Variants in SIAH3 observed in about 807,000 individuals in gnomAD.
The protein encoded by SIAH3 is siah E3 ubiquitin protein ligase family member 3, also known as seven in absentia homolog 3.
In SIAH3, 9 loss-of-function variants were observed where a neutral mutation model predicts 12.6. The observed-to-expected ratio is 0.72, with a 90% CI of 0.43 to 1.25. The LOEUF (loss-of-function observed/expected upper bound fraction) is 1.25, where lower values mean the gene tolerates loss of function less well. SIAH3 is among the 50% of genes most tolerant of loss of function. The pLI, the probability that SIAH3 is intolerant of heterozygous loss-of-function variation, is 0.00. For missense variants in SIAH3, 390 were observed against 365.4 expected (o/e 1.07, Z -0.55); for synonymous variants, 154 against 151.1 (o/e 1.02, Z -0.14).
At chr13:45,827,879 C>T (rs1950684592) in intron 1 of SIAH3, among the ~76,000 whole-genome samples, 1 of 152,238 alleles carries the variant, frequency 6.6e-6, no homozygotes, top group Non-Finnish European at 1.5e-5. Context: ...TTGTTTGTAG[C>T]ATCTCCACTC....
chr13:45,779,826 TG>T lies in SIAH3; in HGVS notation c.*3556del, dbSNP rs2137543905. Reference sequence around the variant, plus strand: ...AAATGTCCAGAGTAGCCACAGCTAGTGATGGGGTTTACCAGGTACAGATTCA... The same window carrying T: ...AAATGTCCAGAGTAGCCACAGCTAGTATGGGGTTTACCAGGTACAGATTCA... On this transcript the variant is annotated 3_prime_UTR_variant, in exon 2 of 2. Transcript: ENST00000400405. 3 of 152,312 alleles carry T rather than the reference TG, an allele frequency of 2.0e-5. No homozygotes were observed. The highest frequency in any genetic ancestry group is 7.2e-5 in the African/African-American group (3 of 41,566). 9.4% of individuals were successfully genotyped at this position (152,312 alleles called of 1,614,324 possible).
chr13:45,850,037 G>C (rs1950773954), intron 1 of SIAH3, among the ~76,000 whole-genome samples: 1 of 152,172 alleles, frequency 6.6e-6, no homozygotes, highest in Admixed American at 6.5e-5. Context: ...ATAAAACTAA[G>C]CTATAAAAGA....
chr13:45,828,877 T>G (rs1950688463), intron 1 of SIAH3, among the ~76,000 whole-genome samples: 1 of 151,926 alleles, frequency 6.6e-6, no homozygotes, highest in African/African-American at 2.4e-5. Context: ...AATCAGTCAG[T>G]GAAAACAAGT....
At chr13:45,835,164 CA>C (rs1950713602) in intron 1 of SIAH3, among the ~76,000 whole-genome samples, 1 of 152,154 alleles carries the variant, frequency 6.6e-6, no homozygotes, top group Non-Finnish European at 1.5e-5. Flanking sequence ...AAACAAATCT[CA>C]AACCCATTTT....
chr13:45,787,046 C>T (rs1263015981), intron 1 of SIAH3, among the ~76,000 whole-genome samples: 1 of 152,114 alleles, frequency 6.6e-6, no homozygotes, highest in Non-Finnish European at 1.5e-5. Context: ...CTCTTCCTCT[C>T]TCCAATCTCT....
chr13:45,816,555 A>G (rs1253739478), intron 1 of SIAH3, among the ~76,000 whole-genome samples: 1 of 152,236 alleles, frequency 6.6e-6, no homozygotes, highest in African/African-American at 2.4e-5. Context: ...AAATGTCAAC[A>G]TAGCGCTCCC....
At chr13:45,798,941 A>G (rs1342084534) in intron 1 of SIAH3, among the ~76,000 whole-genome samples, 1 of 152,232 alleles carries the variant, frequency 6.6e-6, no homozygotes, top group Non-Finnish European at 1.5e-5. Context: ...TCTGTAAAAC[A>G]CAGAAATGAC....
Position 45,783,142 on chromosome 13 carries a change from A to G in SIAH3, c.*241T>C. The G allele has an allele frequency of 3.4e-6, 1 of 295,408 alleles. No homozygotes were observed. The highest frequency in any genetic ancestry group is 6.1e-6 in the Non-Finnish European group (1 of 163,626). 18.3% of individuals were successfully genotyped at this position (295,408 alleles called of 1,614,324 possible). On this transcript the variant is annotated 3_prime_UTR_variant, in exon 2 of 2. Transcript: ENST00000400405. The stretch of plus-strand genomic sequence containing the variant: ...TACAAACATTCTATAAAACAACACC[A>G]ACAAGGCAGGACAAACATCACACCA...
intron 1 of SIAH3, among the ~76,000 whole-genome samples, chr13:45,827,118 C>G (rs573291496): frequency 6.6e-6 from 1 of 152,294 alleles, no homozygotes; most frequent in South Asian, 2.1e-4. Context: ...CCCTTCTTGA[C>G]AGTTCTGATG....
chr13:45,825,925 T>A (rs1370692728), intron 1 of SIAH3, among the ~76,000 whole-genome samples: 2 of 152,008 alleles, frequency 1.3e-5, no homozygotes, highest in African/African-American at 4.8e-5. Flanking sequence ...AAAACCCAAG[T>A]CTCTCAGCAT....
At chr13:45,819,682 G>T (rs867614006) in intron 1 of SIAH3, among the ~76,000 whole-genome samples, 1 of 152,106 alleles carries the variant, frequency 6.6e-6, no homozygotes, top group South Asian at 2.1e-4. Flanking sequence ...CATGTCGGAG[G>T]GCTGGCTCTG....
rs781156427 is a variant in SIAH3, at chr13:45,783,934, G to T, written c.259C>A (p.Pro87Thr). Residue 87 changes from proline (P) to threonine (T), a missense_variant, in exon 2 of 2, where the codon CCC becomes ACC. Transcript: ENST00000400405. ...HHHHLRHHAH[P>T]HHLHHQEAGL... ...GCCTCCTGGTGGTGAAGGTGGTGGG[G>T]GTGGGCGTGGTGGCGGAGGTGGTGG... 22 of 1,608,240 alleles carry T rather than the reference G, an allele frequency of 1.4e-5. No individual in the cohort carries two copies. The highest frequency in any genetic ancestry group is 1.9e-5 in the Non-Finnish European group (22 of 1,177,624).
At chr13:45,825,342 C>A (rs564788380) in intron 1 of SIAH3, among the ~76,000 whole-genome samples, 2 of 152,248 alleles carry the variant, frequency 1.3e-5, no homozygotes, top group South Asian at 4.1e-4. Context: ...CAGAATGTAA[C>A]AAAATTAGAG....
intron 1 of SIAH3, among the ~76,000 whole-genome samples, chr13:45,797,927 G>A (rs765050778): frequency 6.6e-6 from 1 of 152,118 alleles, no homozygotes. Context: ...TCATGATGGC[G>A]GTGATAGGGC....
chr13:45,837,800 C>T (rs1042312582), intron 1 of SIAH3, among the ~76,000 whole-genome samples: 2 of 152,108 alleles, frequency 1.3e-5, no homozygotes, highest in African/African-American at 4.8e-5. Context: ...AAGTAACTTG[C>T]CAAGCATCTC....
intron 1 of SIAH3, among the ~76,000 whole-genome samples, chr13:45,798,951 C>T (rs1034483899): frequency 6.6e-6 from 1 of 152,192 alleles, no homozygotes; most frequent in African/African-American, 2.4e-5. Flanking sequence ...ACAGAAATGA[C>T]AAGTCCTCCA....
In SIAH3 at chr13:45,784,071, G is replaced by A; in HGVS notation, c.136-14C>T. The stretch of plus-strand genomic sequence containing the variant: ...ACTGGACACATACTGTAAGGAAAGA[G>A]AAGAACGTCAGTGCGGGGATGAGGC... On this transcript the variant is annotated splice_polypyrimidine_tract_variant and intron_variant, in intron 1 of 1. Transcript: ENST00000400405. 6.4e-7 allele frequency: 1 copy of A among 1,560,176 alleles called. No individual in the cohort carries two copies. The highest frequency in any genetic ancestry group is 8.7e-7 in the Non-Finnish European group (1 of 1,153,670).
intron 1 of SIAH3, among the ~76,000 whole-genome samples, chr13:45,785,122 C>G (rs986614443): frequency 6.6e-6 from 1 of 152,206 alleles, no homozygotes; most frequent in Non-Finnish European, 1.5e-5. Flanking sequence ...CCCCCTGACT[C>G]TGAACACAAG....
chr13:45,807,061 A>G (rs1473255105), intron 1 of SIAH3, among the ~76,000 whole-genome samples: 1 of 152,232 alleles, frequency 6.6e-6, no homozygotes, highest in Non-Finnish European at 1.5e-5. Flanking sequence ...ACACTTTCAA[A>G]TAAGAAGTAG....
Sources: gnomAD v4.1 joint callset for allele counts (sites outside exome capture counted in the v4.1 genomes callset) on GRCh38, gnomAD v4.1.1 for gene constraint, MANE v1.5 for transcripts, NCBI Gene and HGNC (gene_info 2026-07-23, HGNC 2026-07-21) for gene names.